The following CCSER1 variants were observed in gnomAD, a reference collection of about 807,000 sequenced individuals.
CCSER1 encodes the protein coiled-coil serine rich protein 1.
A neutral mutation model predicts 82.0 loss-of-function variants in CCSER1; 41 were observed. The ratio of observed to expected loss-of-function variants is 0.50; its 90% confidence interval spans 0.39 to 0.65. The LOEUF is 0.65. Among genes scored for constraint, CCSER1 ranks in the 30% least tolerant of loss-of-function variants. The pLI, the probability that CCSER1 is intolerant of heterozygous loss-of-function variation, is 0.00. For synonymous variants in CCSER1, 414 were observed against 383.9 expected, an observed-to-expected ratio of 1.08 and a Z score of -0.92; for missense variants, 1,119 against 1,064.2, an observed-to-expected ratio of 1.05 and a Z score of -0.72.
At chr4:90,346,335 T>C (rs1742329108) in intron 3 of CCSER1, among the ~76,000 whole-genome samples, 1 of 151,962 alleles carries the variant, frequency 6.6e-6, no homozygotes, top group South Asian at 2.1e-4. Context: ...TCTTAAGCAC[T>C]TATAACCGTG....
intron 1 of CCSER1, among the ~76,000 whole-genome samples, chr4:90,275,289 T>A (rs2153456681): frequency 6.6e-6 from 1 of 152,272 alleles, no homozygotes; most frequent in East Asian, 1.9e-4. Context: ...TAAGTGTGAC[T>A]TTTAAGTCAA....
intron 1 of CCSER1, among the ~76,000 whole-genome samples, chr4:90,243,536 T>C (rs7657522): frequency 0.65 from 99,008 of 151,608 alleles, 34,826 homozygotes; most frequent in African/African-American, 0.91. Context: ...TGTGAGCCAC[T>C]GCTCCCGGCC....
intron 6 of CCSER1, among the ~76,000 whole-genome samples, chr4:90,713,683 T>C (rs922780834): frequency 5.9e-5 from 9 of 152,024 alleles, no homozygotes; most frequent in African/African-American, 2.2e-4. Flanking sequence ...AATTTGAATG[T>C]TGGCCTGTCT....
At chr4:90,303,498 A>T (rs937225715) in intron 1 of CCSER1, among the ~76,000 whole-genome samples, 6 of 152,080 alleles carry the variant, frequency 3.9e-5, no homozygotes, top group African/African-American at 1.2e-4. Flanking sequence ...ATAATGCCGC[A>T]TATCTACAAC....
chr4:91,146,200 C>T (rs542101759), intron 10 of CCSER1, among the ~76,000 whole-genome samples: 1 of 152,140 alleles, frequency 6.6e-6, no homozygotes, highest in Non-Finnish European at 1.5e-5. Flanking sequence ...CTTTCCTCAG[C>T]TTGGTCTATT....
At chr4:90,506,565 C>G (rs1770714304) in intron 5 of CCSER1, among the ~76,000 whole-genome samples, 1 of 151,976 alleles carries the variant, frequency 6.6e-6, no homozygotes, top group African/African-American at 2.4e-5. Context: ...GAGTTCGAGA[C>G]CAGCCTAGGC....
At chr4:91,368,157 C>A (rs1749772554) in intron 10 of CCSER1, among the ~76,000 whole-genome samples, 1 of 151,702 alleles carries the variant, frequency 6.6e-6, no homozygotes, top group African/African-American at 2.4e-5. Flanking sequence ...CTTCTATTTT[C>A]TCCCTAGGAT....
intron 5 of CCSER1, among the ~76,000 whole-genome samples, chr4:90,573,461 A>G (rs530456341): frequency 1.3e-5 from 2 of 152,284 alleles, no homozygotes; most frequent in East Asian, 3.9e-4. Context: ...CATTTCCACA[A>G]AGTGGATATT....
At chr4:90,533,174 C>T (rs1774831347) in intron 5 of CCSER1, among the ~76,000 whole-genome samples, 1 of 146,776 alleles carries the variant, frequency 6.8e-6, no homozygotes, top group Admixed American at 7.0e-5. Flanking sequence ...TCACTGCAAG[C>T]TCCGCCTCCC....
intron 7 of CCSER1, among the ~76,000 whole-genome samples, chr4:90,776,690 A>G (rs1269627697): frequency 6.6e-6 from 1 of 152,260 alleles, no homozygotes; most frequent in African/African-American, 2.4e-5. Context: ...AGTGTTCACC[A>G]TATAGGTTAA....
chr4:90,303,930 A>G (rs2153475613), intron 1 of CCSER1, among the ~76,000 whole-genome samples: 2 of 152,224 alleles, frequency 1.3e-5, no homozygotes, highest in Non-Finnish European at 2.9e-5. Flanking sequence ...TCCAGAATCT[A>G]CAATGAACTC....
At chr4:91,443,829 A>C in intron 10 of CCSER1, among the ~76,000 whole-genome samples, 1 of 150,944 alleles carries the variant, frequency 6.6e-6, no homozygotes, top group Middle Eastern at 3.5e-3. Flanking sequence ...TAACCATCCA[A>C]TTATATAGAT....
chr4:91,538,075 T>A (rs926683112), intron 10 of CCSER1, among the ~76,000 whole-genome samples: 1 of 152,080 alleles, frequency 6.6e-6, no homozygotes, highest in Non-Finnish European at 1.5e-5. Context: ...GTAAAATTAA[T>A]TCATACAACC....
At chr4:90,564,308 C>A (rs1157512701) in intron 5 of CCSER1, among the ~76,000 whole-genome samples, 1 of 152,034 alleles carries the variant, frequency 6.6e-6, no homozygotes, top group Non-Finnish European at 1.5e-5. Context: ...CTCCGCCTTG[C>A]CCTCCTAAAG....
chr4:90,575,838 G>A (rs957089350), intron 5 of CCSER1, among the ~76,000 whole-genome samples: 3 of 152,056 alleles, frequency 2.0e-5, no homozygotes, highest in Admixed American at 1.3e-4. Context: ...CTGTCAAGAA[G>A]CCTGATAACA....
intron 10 of CCSER1, among the ~76,000 whole-genome samples, chr4:91,585,471 A>T (rs1316178570): frequency 6.6e-6 from 1 of 151,544 alleles, no homozygotes; most frequent in African/African-American, 2.4e-5. Context: ...CACTGTCTAA[A>T]TTAGTGATAG....
intron 10 of CCSER1, among the ~76,000 whole-genome samples, chr4:91,381,393 C>G (rs530287731): frequency 5.3e-5 from 8 of 152,212 alleles, no homozygotes; most frequent in African/African-American, 1.4e-4. Context: ...CCAATCAGAC[C>G]TAGATTTGGT....
At chr4:90,811,979 T>TATATAAACACACACACACAC (rs1454529529) in intron 7 of CCSER1, among the ~76,000 whole-genome samples, 83 of 108,592 alleles carry the variant, frequency 7.6e-4, no homozygotes, top group African/African-American at 2.9e-3. Context: ...CATATATATA[T>TATATAAACACACACACACAC]ATATATATAT....
chr4:91,196,585 G>T (rs371254050), intron 10 of CCSER1, among the ~76,000 whole-genome samples: 4 of 152,148 alleles, frequency 2.6e-5, no homozygotes, highest in Non-Finnish European at 5.9e-5. Context: ...CATGTATTAG[G>T]CATTACTGTA....
Sources: allele counts gnomAD v4.1 joint callset (sites outside exome capture counted in the v4.1 genomes callset), GRCh38; gene constraint gnomAD v4.1.1; transcripts MANE v1.5; gene names NCBI Gene and HGNC (gene_info 2026-07-23, HGNC 2026-07-21).